DPH6: variants seen among roughly 807,000 people sequenced by gnomAD.
The protein encoded by DPH6 is diphthamine biosynthesis 6.
In DPH6, 33 loss-of-function variants were observed where a neutral mutation model predicts 38.2. That is an observed-to-expected ratio of 0.86 (90% CI 0.65 to 1.15). The LOEUF (loss-of-function observed/expected upper bound fraction) is 1.15. DPH6 is among the 50% of genes most tolerant of loss of function. The pLI is 0.00. For synonymous variants in DPH6, 108 were observed against 103.0 expected (o/e 1.05, Z -0.30); for missense variants, 325 against 320.0 (o/e 1.02, Z -0.12).
chr15:35,388,479 T>G (rs1250901939), intron 6 of DPH6, among the ~76,000 whole-genome samples: 3 of 152,222 alleles, frequency 2.0e-5, no homozygotes, highest in Non-Finnish European at 4.4e-5. Context: ...TCCTGGACTG[T>G]TTTTATTGGT....
intron 5 of DPH6, among the ~76,000 whole-genome samples, chr15:35,415,176 A>G (rs1026747494): frequency 5.9e-5 from 9 of 151,920 alleles, no homozygotes; most frequent in African/African-American, 1.9e-4. Context: ...GGTTTGGGAA[A>G]TATGTTAAAA....
the DPH6 span, among the ~76,000 whole-genome samples, chr15:35,194,418 C>A: frequency 4.5e-4 from 64 of 142,340 alleles, no homozygotes; most frequent in African/African-American, 1.6e-3. Flanking sequence ...AGAGAGAATA[C>A]CCCTTCCTCA....
chr15:35,309,248 C>T (rs966473620), intron 3 of DPH6, among the ~76,000 whole-genome samples: 1 of 151,978 alleles, frequency 6.6e-6, no homozygotes, highest in African/African-American at 2.4e-5. Context: ...TGGCAGTTAC[C>T]GTTTTTAGAC....
chr15:35,231,713 C>T (rs1366001824), intron 3 of DPH6, among the ~76,000 whole-genome samples: 2 of 152,126 alleles, frequency 1.3e-5, no homozygotes, highest in Non-Finnish European at 1.5e-5. Flanking sequence ...GCAAGCTGTA[C>T]AGGAAGCATG....
intron 3 of DPH6, among the ~76,000 whole-genome samples, chr15:35,456,265 CAG>C (rs1406873620): frequency 6.6e-6 from 1 of 151,818 alleles, no homozygotes; most frequent in African/African-American, 2.4e-5. Flanking sequence ...CAGTATAGAT[CAG>C]AGTTGCTGAA....
At chr15:35,214,706 C>G (rs939274089), downstream of DPH6, among the ~76,000 whole-genome samples, 4 of 152,186 alleles carry the variant, frequency 2.6e-5, no homozygotes, top group African/African-American at 9.7e-5. Context: ...CTCACGGGTT[C>G]AAGTGATTCT....
intron 3 of DPH6, among the ~76,000 whole-genome samples, chr15:35,322,154 T>C (rs1595478028): frequency 6.6e-6 from 1 of 152,174 alleles, no homozygotes; most frequent in African/African-American, 2.4e-5. Flanking sequence ...AGCTTCTACA[T>C]AGTGATGTTA....
the DPH6 span, among the ~76,000 whole-genome samples, chr15:35,202,127 CTATA>C: frequency 6.6e-6 from 1 of 151,846 alleles, no homozygotes; most frequent in East Asian, 1.9e-4. Flanking sequence ...TATAATCTAT[CTATA>C]TATAATCTTA....
chr15:35,273,556 A>C lies in DPH6; in HGVS notation n.201-52974T>G, dbSNP rs889966653. The stretch of plus-strand genomic sequence containing the variant: ...TAAGAAGCTGATAAGCAACTTCAGC[A>C]AAGTCTCAGGATACAAAATCAATGT... On this transcript the variant is annotated intron_variant and non_coding_transcript_variant, in intron 3 of 3. Transcript: ENST00000560386. Among the ~76,000 whole-genome samples the C allele has an allele frequency of 5.9e-5, 9 of 152,232 alleles. 1 individual carries two copies. In the South Asian group the frequency reaches 6.2e-4, roughly 11 times the overall value.
At chr15:35,363,258 A>G (rs965899996) in intron 3 of DPH6, among the ~76,000 whole-genome samples, 1 of 152,180 alleles carries the variant, frequency 6.6e-6, no homozygotes, top group African/African-American at 2.4e-5. Context: ...TATGACTACA[A>G]ATTTGTCATA....
chr15:35,452,104 C>CA (rs779119066), intron 4 of DPH6, among the ~76,000 whole-genome samples: 10 of 152,160 alleles, frequency 6.6e-5, no homozygotes, highest in Non-Finnish European at 1.5e-4. Flanking sequence ...CCATGGATCT[C>CA]ACCCTGTTTA....
chr15:35,242,781 C>T (rs2051609205), intron 3 of DPH6, among the ~76,000 whole-genome samples: 1 of 142,182 alleles, frequency 7.0e-6, no homozygotes, highest in Admixed American at 7.7e-5. Flanking sequence ...TTTTATTAGG[C>T]CCCAGTCTCA....
At chr15:35,274,495 A>G (rs1275959449) in intron 3 of DPH6, among the ~76,000 whole-genome samples, 1 of 152,192 alleles carries the variant, frequency 6.6e-6, no homozygotes, top group Non-Finnish European at 1.5e-5. Context: ...CAATCTATCC[A>G]TCTGACAAAG....
Position 35,240,811 on chromosome 15 carries a change from A to C in DPH6, n.201-20229T>G, listed in dbSNP as rs577364919. The stretch of plus-strand genomic sequence containing the variant: ...TTCTCAATATACATTTTATTACCCA[A>C]TCTGCTCCCGACATTAAATAAAACT... On this transcript the variant is annotated intron_variant and non_coding_transcript_variant, in intron 3 of 3. Coordinates refer to the DPH6 transcript ENST00000560386. Among the ~76,000 whole-genome samples, 3 of 143,440 alleles carry C rather than the reference A, an allele frequency of 2.1e-5. 1 individual carries two copies. Among genetic ancestry groups the C allele is most frequent in the Non-Finnish European group, 4.6e-5 (3 of 65,452 alleles). The allele number at this position is 143,440 out of a possible 152,430, so 94.1% of individuals were successfully genotyped here.
rs1024961389 is a variant in DPH6, at chr15:35,239,284, G to A, written n.201-18702C>T. Among the ~76,000 whole-genome samples, 3 of 142,998 alleles carry A rather than the reference G, an allele frequency of 2.1e-5. 1 individual carries two copies. Among genetic ancestry groups the A allele is most frequent in the Non-Finnish European group, 4.6e-5 (3 of 65,220 alleles). The allele number at this position is 142,998 out of a possible 152,430, so 93.8% of individuals were successfully genotyped here. A position where few individuals can be genotyped will look rare whatever the true frequency, so the allele number is the denominator to read the frequency against. The stretch of plus-strand genomic sequence containing the variant: ...ACCTCTTTCTCCTTTCAATCTTGGC[G>A]CTACACTTCAATCACTCCCTTCTCT... On this transcript the variant is annotated intron_variant and non_coding_transcript_variant, in intron 3 of 3. Coordinates refer to the DPH6 transcript ENST00000560386.
chr15:35,544,066 A>G (rs2055305153), intron 1 of DPH6, among the ~76,000 whole-genome samples: 1 of 152,216 alleles, frequency 6.6e-6, no homozygotes, highest in African/African-American at 2.4e-5. Context: ...AGCTTGGGAA[A>G]TGCAGAGTAC....
chr15:35,412,235 GA>G (rs961829192), intron 5 of DPH6, among the ~76,000 whole-genome samples: 1 of 151,696 alleles, frequency 6.6e-6, no homozygotes, highest in Non-Finnish European at 1.5e-5. Context: ...ATAAGCATAT[GA>G]AAAGATCCTC....
At chr15:35,332,277 T>C (rs897749847) in intron 3 of DPH6, among the ~76,000 whole-genome samples, 2 of 151,922 alleles carry the variant, frequency 1.3e-5, no homozygotes, top group East Asian at 3.9e-4. Context: ...TCAGAAGAAA[T>C]TAATGAAAAA....
the DPH6 span, among the ~76,000 whole-genome samples, chr15:35,179,442 C>T: frequency 6.6e-6 from 1 of 151,902 alleles, no homozygotes; most frequent in East Asian, 1.9e-4. Flanking sequence ...GAGTCAAATA[C>T]ATTACAGTAT....
Sources: allele counts gnomAD v4.1 joint callset (sites outside exome capture counted in the v4.1 genomes callset), GRCh38; gene constraint gnomAD v4.1.1; transcripts MANE v1.5; gene names NCBI Gene and HGNC (gene_info 2026-07-23, HGNC 2026-07-21).